The following KIAA1671 variants were observed in gnomAD, a reference collection of about 807,000 sequenced individuals.
KIAA1671 encodes uncharacterized protein KIAA1671.
KIAA1671 carries 52 observed loss-of-function variants against 131.2 expected under a neutral mutation model. The observed-to-expected ratio is 0.40, with a 90% CI of 0.32 to 0.50. The LOEUF is 0.50. Ranked by LOEUF, KIAA1671 falls within the 20% of genes least tolerant of loss-of-function variation. KIAA1671 has a pLI of 0.73. For synonymous variants in KIAA1671, 1,003 were observed against 961.6 expected, an observed-to-expected ratio of 1.04 and a Z score of -0.80; for missense variants, 2,360 against 2,364.2, an observed-to-expected ratio of 1.00 and a Z score of 0.04.
chr22:25,166,402 C>T (rs1472919261), intron 6 of KIAA1671, among the ~76,000 whole-genome samples: 1 of 152,100 alleles, frequency 6.6e-6, no homozygotes, highest in African/African-American at 2.4e-5. Flanking sequence ...TGGTTGGACA[C>T]CATTTATCCC....
At chr22:25,003,976 C>T (rs1437468890) in intron 1 of KIAA1671, among the ~76,000 whole-genome samples, 5 of 151,788 alleles carry the variant, frequency 3.3e-5, no homozygotes, top group East Asian at 1.9e-4. Context: ...CGCCACCACA[C>T]GCAGCTAATT....
intron 7 of KIAA1671, among the ~76,000 whole-genome samples, chr22:25,173,088 G>C (rs1245899180): frequency 6.6e-6 from 1 of 152,186 alleles, no homozygotes; most frequent in Non-Finnish European, 1.5e-5. Flanking sequence ...TGAAGGGGAA[G>C]CAAGGCACGT....
chr22:24,979,170 A>ATTTTTTTTTTTTT (rs71191010), intron 1 of KIAA1671, among the ~76,000 whole-genome samples: 9 of 81,714 alleles, frequency 1.1e-4, no homozygotes, highest in African/African-American at 5.0e-4. Context: ...TAATTTTTGT[A>ATTTTTTTTTTTTT]TTTTTTTTTT....
intron 6 of KIAA1671, among the ~76,000 whole-genome samples, chr22:25,072,510 C>T (rs1334245013): frequency 6.6e-6 from 1 of 152,160 alleles, no homozygotes; most frequent in Non-Finnish European, 1.5e-5. Context: ...TTCTCTGTCT[C>T]TCTGAGTCAC....
rs1316493247 is a variant in KIAA1671 at position 25,194,569 on chromosome 22, A to G, written c.*2168A>G. The G allele has an allele frequency of 6.6e-6, 1 of 152,244 alleles. No homozygotes were observed. The highest frequency in any genetic ancestry group is 1.5e-5 in the Non-Finnish European group (1 of 68,038). The allele number at this position is 152,244 out of a possible 1,614,324, so 9.4% of individuals were successfully genotyped here. ...CTCAGCTCAAGGATATCAGACAGGA[A>G]TGAAACACACTTGAAAATGAGATTG... On this transcript the variant is annotated 3_prime_UTR_variant, in exon 13 of 13. Transcript: ENST00000358431.
intron 6 of KIAA1671, among the ~76,000 whole-genome samples, chr22:25,086,514 G>A (rs993731729): frequency 6.6e-6 from 1 of 152,218 alleles, no homozygotes; most frequent in Non-Finnish European, 1.5e-5. Context: ...CTAATGCAGG[G>A]CCAGGCATAG....
At chr22:24,994,593 C>A (rs1924013406) in intron 1 of KIAA1671, among the ~76,000 whole-genome samples, 2 of 152,102 alleles carry the variant, frequency 1.3e-5, no homozygotes, top group Non-Finnish European at 1.5e-5. Context: ...GGGTGGCACA[C>A]CTCTTGTGAG....
rs1434800391 is a variant in KIAA1671 at position 25,025,760 on chromosome 22, C to A, written c.-80C>A. On this transcript the variant is annotated 5_prime_UTR_variant, in exon 2 of 13. Transcript: ENST00000358431. ...CTGGCTTTTCCCGGCAGTCACACCC[C>A]CTGACCCAGGGCCTGCCAGCTTGGG... 1 of 152,274 alleles carries A rather than the reference C, an allele frequency of 6.6e-6. No individual in the cohort carries two copies. The highest frequency in any genetic ancestry group is 6.5e-5 in the Admixed American group (1 of 15,270). 9.4% of individuals were successfully genotyped at this position (152,274 alleles called of 1,614,324 possible). A position where few individuals can be genotyped will look rare whatever the true frequency, so the allele number is the denominator to read the frequency against.
At chr22:24,982,602 A>G (rs1602043167) in intron 1 of KIAA1671, among the ~76,000 whole-genome samples, 1 of 152,308 alleles carries the variant, frequency 6.6e-6, no homozygotes. Context: ...TTTGCTGGTC[A>G]CTGGCATTTG....
At chr22:24,976,841 C>T (rs1319743321) in intron 1 of KIAA1671, among the ~76,000 whole-genome samples, 1 of 124,734 alleles carries the variant, frequency 8.0e-6, no homozygotes, top group Non-Finnish European at 1.9e-5. Flanking sequence ...TCTGGCTTCC[C>T]GGGGACCTGC....
chr22:25,129,130 A>G (rs1932316462), intron 6 of KIAA1671, among the ~76,000 whole-genome samples: 1 of 144,496 alleles, frequency 6.9e-6, no homozygotes, highest in Non-Finnish European at 1.5e-5. Flanking sequence ...TCTCCCAAGC[A>G]TGGAGTGCCA....
intron 6 of KIAA1671, chr22:25,070,281 C>T (rs751997431): frequency 9.6e-6 from 4 of 414,876 alleles, no homozygotes; most frequent in African/African-American, 2.1e-5. Context: ...TTGACTCCAG[C>T]GTGACAGGAG....
At chr22:25,061,129 A>T (rs1928135617) in intron 6 of KIAA1671, 1 of 152,108 alleles carries the variant, frequency 6.6e-6, no homozygotes, top group South Asian at 2.1e-4. Context: ...GGAAAAAAAA[A>T]TTTTGTTTTT....
rs1276216016 is a variant in KIAA1671, at chr22:25,000,354, C to T, written c.-207-25279C>T. Among the ~76,000 whole-genome samples, 4 of 96,868 alleles carry T rather than the reference C, an allele frequency of 4.1e-5. 2 individuals carry two copies. The highest frequency in any genetic ancestry group is 2.2e-4 in the Admixed American group (2 of 9,056). 63.5% of individuals were successfully genotyped at this position (96,868 alleles called of 152,430 possible). A position where few individuals can be genotyped will look rare whatever the true frequency, so the allele number is the denominator to read the frequency against. The stretch of plus-strand genomic sequence containing the variant: ...GACTACAGGCGCGCGCCACTACGCC[C>T]GGCTAATTTTTTGTATTTTTAGTAG... On this transcript the variant is annotated intron_variant, in intron 1 of 12. Coordinates refer to ENST00000358431, the MANE Select transcript of KIAA1671 (RefSeq NM_001145206.2).
chr22:25,153,218 T>A (rs1011008790), intron 6 of KIAA1671, among the ~76,000 whole-genome samples: 1 of 152,082 alleles, frequency 6.6e-6, no homozygotes, highest in Non-Finnish European at 1.5e-5. Flanking sequence ...TTCCCACACA[T>A]CCCCCAAGAA....
At chr22:25,172,939 G>A (rs1301785072) in intron 7 of KIAA1671, among the ~76,000 whole-genome samples, 1 of 152,118 alleles carries the variant, frequency 6.6e-6, no homozygotes, top group Admixed American at 6.5e-5. Flanking sequence ...AGTTCATGAG[G>A]CCAATTATAT....
chr22:25,058,514 T>G (rs1927976449), intron 6 of KIAA1671: 1 of 152,138 alleles, frequency 6.6e-6, no homozygotes, highest in Non-Finnish European at 1.5e-5. Context: ...TGTCTGGGTG[T>G]CAGTATTTTT....
At chr22:25,009,416 C>A in intron 1 of KIAA1671, among the ~76,000 whole-genome samples, 1 of 150,988 alleles carries the variant, frequency 6.6e-6, no homozygotes, top group Non-Finnish European at 1.5e-5. Context: ...AGGTGCCTGT[C>A]ACCACACCCA....
At chr22:25,015,163 C>A (rs1925235896) in intron 1 of KIAA1671, 1 of 150,564 alleles carries the variant, frequency 6.6e-6, no homozygotes, top group Admixed American at 6.6e-5. Flanking sequence ...CTGCTTGAGC[C>A]CAGGAGATTG....
Sources: allele counts gnomAD v4.1 joint callset (sites outside exome capture counted in the v4.1 genomes callset), GRCh38; gene constraint gnomAD v4.1.1; transcripts MANE v1.5; gene names NCBI Gene and HGNC (gene_info 2026-07-23, HGNC 2026-07-21).